The following OPHN1 variants were observed in gnomAD, a reference collection of about 807,000 sequenced individuals.
The protein encoded by OPHN1 is oligophrenin 1, also known as oligophrenin-1.
A neutral mutation model predicts 60.7 loss-of-function variants in OPHN1; 11 were observed. The observed-to-expected ratio is 0.18, with a 90% CI of 0.11 to 0.30. The LOEUF (loss-of-function observed/expected upper bound fraction) is 0.30, where lower values mean the gene tolerates loss of function less well. Ranked by LOEUF, OPHN1 falls within the 10% of genes least tolerant of loss-of-function variation. The pLI, the probability that OPHN1 is intolerant of heterozygous loss-of-function variation, is 1.00. For synonymous variants in OPHN1, 226 were observed against 222.6 expected (o/e 1.02, Z -0.14); for missense variants, 449 against 611.0 (o/e 0.73, Z 2.80).
At chrX:68,092,838 A>G (rs2077023743) in intron 19 of OPHN1, among the ~76,000 whole-genome samples, 1 of 111,540 alleles carries the variant, frequency 9.0e-6, no homozygotes, top group African/African-American at 3.3e-5. Context: ...ATAGAATAAA[A>G]ACAAAAGAAA....
intron 15 of OPHN1, among the ~76,000 whole-genome samples, chrX:68,127,039 G>C (rs747823741): frequency 3.6e-5 from 4 of 112,097 alleles, no homozygotes; most frequent in African/African-American, 1.3e-4. Context: ...AAACTAAAAA[G>C]GTTCTTAGGT....
At chrX:68,240,648 T>C in intron 5 of OPHN1, among the ~76,000 whole-genome samples, 1 of 111,953 alleles carries the variant, frequency 8.9e-6, no homozygotes, top group East Asian at 2.8e-4. Flanking sequence ...CCAGTCTACC[T>C]TGTTAATCCT....
At chrX:68,248,445 A>G (rs1395123871) in intron 5 of OPHN1, among the ~76,000 whole-genome samples, 1 of 111,993 alleles carries the variant, frequency 8.9e-6, no homozygotes, top group African/African-American at 3.2e-5. Flanking sequence ...GCAATAACAA[A>G]TGCTAGGGAG....
At chrX:68,185,569 G>C (rs2077458608) in intron 15 of OPHN1, among the ~76,000 whole-genome samples, 1 of 110,964 alleles carries the variant, frequency 9.0e-6, no homozygotes, top group African/African-American at 3.3e-5. Flanking sequence ...TATCTAGAAG[G>C]GTTCCAATGT....
intron 3 of OPHN1, among the ~76,000 whole-genome samples, chrX:68,290,929 C>T (rs753548872): frequency 9.0e-5 from 10 of 111,535 alleles, no homozygotes; most frequent in South Asian, 3.8e-4. Context: ...ACTCAGTATA[C>T]GGAAGCTAAT....
chrX:68,418,038 A>G (rs1463400406), intron 2 of OPHN1, among the ~76,000 whole-genome samples: 4 of 112,570 alleles, frequency 3.6e-5, no homozygotes, highest in Non-Finnish European at 7.5e-5. Context: ...CTGAAAACAC[A>G]TGCCAATTAT....
intron 2 of OPHN1, among the ~76,000 whole-genome samples, chrX:68,375,005 T>C (rs1055531563): frequency 7.1e-5 from 8 of 112,387 alleles, no homozygotes; most frequent in African/African-American, 1.9e-4. Context: ...GGAATTCTTA[T>C]ACATTGCTAG....
rs369382527 is a variant in OPHN1 at position 68,212,100 on chromosome X, A to C, written c.702+8T>G. 3.5e-6 allele frequency: 4 copies of C among 1,150,548 alleles called. No individual in the cohort carries two copies. In the African/African-American group the frequency reaches 7.1e-5, roughly 21 times the overall value. The allele number at this position is 1,150,548 out of a possible 1,213,427, so 94.8% of individuals were successfully genotyped here. A position where few individuals can be genotyped will look rare whatever the true frequency, so the allele number is the denominator to read the frequency against. ...AGACCGGTGAGAAAAATCCACATGC[A>C]AACTCACATTCTGTAAACTGAGTTG... On this transcript the variant is annotated splice_region_variant and intron_variant, in intron 8 of 24. Coordinates refer to ENST00000355520, the MANE Select transcript of OPHN1 (RefSeq NM_002547.3).
chrX:68,199,544 C>T (rs1466704263), intron 11 of OPHN1, among the ~76,000 whole-genome samples: 1 of 111,808 alleles, frequency 8.9e-6, no homozygotes, highest in Admixed American at 9.5e-5. Flanking sequence ...GCTCCAAGAG[C>T]CCTTTGCTCT....
At chrX:68,277,436 A>T (rs776153319) in intron 4 of OPHN1, among the ~76,000 whole-genome samples, 1 of 112,233 alleles carries the variant, frequency 8.9e-6, no homozygotes, top group South Asian at 3.7e-4. Flanking sequence ...TCAGCCACTA[A>T]TATTAGAAAA....
At chrX:68,349,209 G>GA (rs1450572008) in intron 2 of OPHN1, among the ~76,000 whole-genome samples, 3 of 106,362 alleles carry the variant, frequency 2.8e-5, no homozygotes, top group South Asian at 8.1e-4. Context: ...AAATTAACAA[G>GA]AAAAAAAAAC....
At chrX:68,138,358 ATG>A (rs767573768) in intron 15 of OPHN1, among the ~76,000 whole-genome samples, 4 of 112,500 alleles carry the variant, frequency 3.6e-5, no homozygotes, top group Non-Finnish European at 7.5e-5. Context: ...CAAAAAGGCA[ATG>A]TGATATATGA....
intron 18 of OPHN1, among the ~76,000 whole-genome samples, chrX:68,100,248 T>TATAC (rs930919968): frequency 1.6e-4 from 18 of 110,119 alleles, no homozygotes; most frequent in African/African-American, 5.6e-4. Context: ...TTTCCCACCC[T>TATAC]ATACATACAT....
chrX:68,134,110 G>T (rs1365770559), intron 15 of OPHN1, among the ~76,000 whole-genome samples: 4 of 110,524 alleles, frequency 3.6e-5, no homozygotes, highest in African/African-American at 9.9e-5. Context: ...GGGAGGCAGA[G>T]GTTGCAGTGA....
chrX:68,096,092 A>G (rs2077037316), intron 19 of OPHN1, among the ~76,000 whole-genome samples: 1 of 111,435 alleles, frequency 9.0e-6, no homozygotes, highest in African/African-American at 3.3e-5. Flanking sequence ...CAGAAGCAAG[A>G]AGGTTTCTCT....
intron 2 of OPHN1, among the ~76,000 whole-genome samples, chrX:68,421,347 C>T (rs977865646): frequency 1.8e-5 from 2 of 111,538 alleles, no homozygotes; most frequent in African/African-American, 6.5e-5. Context: ...CAAACCTCTC[C>T]ACATCAACCA....
At chrX:68,333,036 G>A (rs892649206) in intron 2 of OPHN1, among the ~76,000 whole-genome samples, 1 of 110,564 alleles carries the variant, frequency 9.0e-6, no homozygotes, top group Middle Eastern at 4.2e-3. Context: ...GAAAGGAACC[G>A]AAACACTAAA....
intron 12 of OPHN1, among the ~76,000 whole-genome samples, chrX:68,196,323 A>G (rs2147461261): frequency 8.9e-6 from 1 of 112,231 alleles, no homozygotes; most frequent in East Asian, 2.8e-4. Context: ...CGGCTAGCAC[A>G]TTGTGGTTTA....
intron 3 of OPHN1, among the ~76,000 whole-genome samples, chrX:68,296,800 C>A (rs2078097946): frequency 9.0e-6 from 1 of 110,621 alleles, no homozygotes; most frequent in African/African-American, 3.3e-5. Context: ...CCCTGTCTTT[C>A]TTTCTTTTTT....
Sources: allele counts gnomAD v4.1 joint callset (sites outside exome capture counted in the v4.1 genomes callset), GRCh38; gene constraint gnomAD v4.1.1; transcripts MANE v1.5; gene names NCBI Gene and HGNC (gene_info 2026-07-23, HGNC 2026-07-21).